Variants in TNFSF4 observed in about 807,000 individuals in gnomAD.
TNFSF4 encodes the protein TNF superfamily member 4, also known as tumor necrosis factor ligand superfamily member 4.
A neutral mutation model predicts 7.3 loss-of-function variants in TNFSF4; 4 were observed. The observed-to-expected ratio is 0.55, with a 90% confidence interval of 0.27 to 1.25. TNFSF4 has a LOEUF of 1.25. TNFSF4 is among the 50% of genes most tolerant of loss of function. The probability of loss-of-function intolerance (pLI) is 0.12; values close to 1 mark genes in which losing one functional copy is unlikely to be tolerated. For missense variants in TNFSF4, 181 were observed against 208.8 expected, an observed-to-expected ratio of 0.87 and a Z score of 0.82; for synonymous variants, 76 against 83.7, an observed-to-expected ratio of 0.91 and a Z score of 0.50.
the TNFSF4 span, among the ~76,000 whole-genome samples, chr1:173,283,017 C>G: frequency 6.6e-6 from 1 of 152,170 alleles, no homozygotes; most frequent in Admixed American, 6.6e-5. Flanking sequence ...AGCACCAATT[C>G]TGTCCCAGAT....
chr1:173,216,210 G>C, the TNFSF4 span, among the ~76,000 whole-genome samples: 1 of 152,032 alleles, frequency 6.6e-6, no homozygotes, highest in African/African-American at 2.4e-5. Context: ...GCATCAGCAG[G>C]GTAGGAATCC....
At chr1:173,239,358 G>T in the TNFSF4 span, among the ~76,000 whole-genome samples, 1 of 152,136 alleles carries the variant, frequency 6.6e-6, no homozygotes, top group Non-Finnish European at 1.5e-5. Context: ...TTTGGGTTTT[G>T]CTCTCTCAGT....
At chr1:173,312,033 T>C in the TNFSF4 span, among the ~76,000 whole-genome samples, 1 of 152,132 alleles carries the variant, frequency 6.6e-6, no homozygotes, top group Non-Finnish European at 1.5e-5. Flanking sequence ...TTTACTTGAT[T>C]CTGGTTTATA....
the TNFSF4 span, among the ~76,000 whole-genome samples, chr1:173,376,845 T>C: frequency 6.6e-6 from 1 of 152,208 alleles, no homozygotes; most frequent in South Asian, 2.1e-4. Flanking sequence ...CCACACTACC[T>C]TTATGAGCTG....
downstream of TNFSF4, among the ~76,000 whole-genome samples, chr1:173,179,178 T>C (rs562055433): frequency 2.0e-5 from 3 of 152,330 alleles, no homozygotes; most frequent in South Asian, 4.1e-4. Context: ...ACAGCAGATA[T>C]AGAAAACTAA....
the TNFSF4 span, among the ~76,000 whole-genome samples, chr1:173,334,515 T>C: frequency 1.3e-5 from 2 of 152,202 alleles, no homozygotes; most frequent in African/African-American, 4.8e-5. Context: ...AGGGTTGAGA[T>C]TGATTAAAAT....
At chr1:173,368,910 A>G in the TNFSF4 span, among the ~76,000 whole-genome samples, 2 of 152,156 alleles carry the variant, frequency 1.3e-5, no homozygotes, top group African/African-American at 4.8e-5. Context: ...AGTTTATCCT[A>G]TAAGAATGAT....
At chr1:173,413,278 A>G in the TNFSF4 span, among the ~76,000 whole-genome samples, 2 of 152,292 alleles carry the variant, frequency 1.3e-5, no homozygotes, top group Admixed American at 1.3e-4. Flanking sequence ...CGGCTTTCCA[A>G]TTCTTTGTTC....
At chr1:173,321,835 G>A in the TNFSF4 span, among the ~76,000 whole-genome samples, 1 of 152,180 alleles carries the variant, frequency 6.6e-6, no homozygotes, top group East Asian at 1.9e-4. Flanking sequence ...AGAGGATGTG[G>A]AGAAATAGGA....
At chr1:173,329,350 G>A in the TNFSF4 span, among the ~76,000 whole-genome samples, 1 of 152,112 alleles carries the variant, frequency 6.6e-6, no homozygotes, top group African/African-American at 2.4e-5. Flanking sequence ...GTAAATACTT[G>A]TTATGCTGTA....
chr1:173,181,457 C>T (rs1477833874), downstream of TNFSF4, among the ~76,000 whole-genome samples: 1 of 152,202 alleles, frequency 6.6e-6, no homozygotes, highest in Non-Finnish European at 1.5e-5. Flanking sequence ...CTCCTAACAT[C>T]CCTCTGTTCC....
chr1:173,436,850 C>T, the TNFSF4 span, among the ~76,000 whole-genome samples: 41 of 152,266 alleles, frequency 2.7e-4, no homozygotes, highest in Non-Finnish European at 3.8e-4. Flanking sequence ...GCATCTGGTA[C>T]ACTTTGTCAA....
chr1:173,416,980 C>T, the TNFSF4 span, among the ~76,000 whole-genome samples: 1 of 152,168 alleles, frequency 6.6e-6, no homozygotes, highest in Non-Finnish European at 1.5e-5. Flanking sequence ...GTCTTTTAAT[C>T]ATCACAATAT....
chr1:173,399,509 T>C, the TNFSF4 span, among the ~76,000 whole-genome samples: 2 of 152,022 alleles, frequency 1.3e-5, no homozygotes, highest in Non-Finnish European at 2.9e-5. Flanking sequence ...CTATGGCCAC[T>C]GGTTTAGCTG....
the TNFSF4 span, among the ~76,000 whole-genome samples, chr1:173,321,599 C>G: frequency 2.6e-5 from 4 of 151,722 alleles, no homozygotes; most frequent in East Asian, 3.9e-4. Flanking sequence ...GTCTAATATA[C>G]AGAATCTACA....
chr1:173,436,958 C>T, the TNFSF4 span, among the ~76,000 whole-genome samples: 1 of 152,266 alleles, frequency 6.6e-6, no homozygotes, highest in Middle Eastern at 3.4e-3. Flanking sequence ...GAATGCCCAG[C>T]GTGTTATGAG....
At chr1:173,379,500 G>A in the TNFSF4 span, among the ~76,000 whole-genome samples, 2 of 151,858 alleles carry the variant, frequency 1.3e-5, no homozygotes, top group African/African-American at 2.4e-5. Flanking sequence ...CTCCCCTGTC[G>A]CCTGACTCCC....
At chr1:173,235,423 G>A in the TNFSF4 span, among the ~76,000 whole-genome samples, 1 of 152,178 alleles carries the variant, frequency 6.6e-6, no homozygotes, top group African/African-American at 2.4e-5. Flanking sequence ...TGGATTCCAG[G>A]TGGGTCCACC....
At chr1:173,247,008 A>G in the TNFSF4 span, among the ~76,000 whole-genome samples, 4 of 152,098 alleles carry the variant, frequency 2.6e-5, no homozygotes, top group Admixed American at 1.3e-4. Context: ...TTCTTTTCCC[A>G]GGGAATCTAA....
Sources: allele counts gnomAD v4.1 joint callset (sites outside exome capture counted in the v4.1 genomes callset), GRCh38; gene constraint gnomAD v4.1.1; transcripts MANE v1.5; gene names NCBI Gene and HGNC (gene_info 2026-07-23, HGNC 2026-07-21).